Variants in PCDHGA1 observed in about 807,000 individuals in gnomAD.
PCDHGA1 encodes protocadherin gamma-A1.
In PCDHGA1, 32 loss-of-function variants were observed where a neutral mutation model predicts 58.0. The observed-to-expected ratio is 0.55, with a 90% CI of 0.42 to 0.74. The LOEUF (loss-of-function observed/expected upper bound fraction) is 0.74. PCDHGA1 is among the 30% of genes least tolerant of loss of function. PCDHGA1 has a pLI of 0.00. For synonymous variants in PCDHGA1, 498 were observed against 501.1 expected, an observed-to-expected ratio of 0.99 and a Z score of 0.08; for missense variants, 1,205 against 1,182.3, an observed-to-expected ratio of 1.02 and a Z score of -0.28.
chr5:141,379,154 T>A (rs1446393150), intron 1 of PCDHGA1: 4 of 152,232 alleles, frequency 2.6e-5, no homozygotes, highest in Non-Finnish European at 5.9e-5. Context: ...GTAACCTGAC[T>A]TTGTCAGTCT....
chr5:141,509,081 A>C (rs1279221589), intron 3 of PCDHGA1, among the ~76,000 whole-genome samples: 2 of 152,160 alleles, frequency 1.3e-5, no homozygotes, highest in Non-Finnish European at 2.9e-5. Flanking sequence ...GATTTGCGAC[A>C]TGAAATGGGG....
chr5:141,500,350 A>G (rs2099799466), intron 2 of PCDHGA1, among the ~76,000 whole-genome samples: 1 of 151,976 alleles, frequency 6.6e-6, no homozygotes, highest in African/African-American at 2.4e-5. Flanking sequence ...CTGGGACTAC[A>G]GGCGCCCACT....
chr5:141,423,744 A>T, intron 1 of PCDHGA1: 4 of 429,458 alleles, frequency 9.3e-6, no homozygotes, highest in Non-Finnish European at 8.7e-6. Context: ...TGTTATGAAA[A>T]CTGTTTGGGG....
At chr5:141,472,369 G>A (rs1194465676) in intron 1 of PCDHGA1, among the ~76,000 whole-genome samples, 2 of 151,770 alleles carry the variant, frequency 1.3e-5, no homozygotes, top group Admixed American at 6.6e-5. Flanking sequence ...GTGAAACCCC[G>A]TCTCCACTAA....
At chr5:141,445,895 A>C (rs930350527) in intron 1 of PCDHGA1, among the ~76,000 whole-genome samples, 1 of 152,212 alleles carries the variant, frequency 6.6e-6, no homozygotes, top group Admixed American at 6.5e-5. Context: ...GGAGCTATTA[A>C]AATATTTTAA....
intron 1 of PCDHGA1, among the ~76,000 whole-genome samples, chr5:141,460,961 A>G (rs113156768): frequency 0.11 from 16,010 of 144,518 alleles, 1,385 homozygotes; most frequent in African/African-American, 0.24. Context: ...GTATATATAT[A>G]TGTGTGTGTG....
In PCDHGA1 at chr5:141,477,602, C is replaced by G. The variant is rs772296229; in HGVS notation, c.2422-17205C>G. ...GCAGAATGCTCGGCTTTCTTTCTTT[C>G]TCTTGGAGCAAGGAGCTGAAACCGG... On this transcript the variant is annotated intron_variant, in intron 1 of 3. Coordinates refer to ENST00000517417, the MANE Select transcript of PCDHGA1 (RefSeq NM_018912.3). This position sits in a 1 kb window ranked among gnomAD's most constrained non-coding sequence, Gnocchi z 4.9. 6.2e-7 allele frequency: 1 copy of G among 1,614,098 alleles called. No homozygotes were observed. Among genetic ancestry groups the G allele is most frequent in the East Asian group, 2.2e-5 (1 of 44,898 alleles).
chr5:141,359,142 A>C (rs903512422), intron 1 of PCDHGA1, among the ~76,000 whole-genome samples: 1 of 152,224 alleles, frequency 6.6e-6, no homozygotes, highest in Non-Finnish European at 1.5e-5. Flanking sequence ...AGTAAGCTGG[A>C]ATATGATATG....
chr5:141,332,099 T>A lies in PCDHGA1; in HGVS notation c.1415T>A (p.Phe472Tyr). ...AACAACCCCAGAGGAGCCTCCATCT[T>A]CTCTGTGAGGGCCCACGACTTGGAC... ...PENNPRGASI[F>Y]SVRAHDLDSN... is the part of the protein sequence containing the mutation. The change falls in exon 1 of 4, where the codon TTC (phenylalanine) becomes TAC (tyrosine). Residue 472 changes from phenylalanine (F) to tyrosine (Y), a missense_variant. Physicochemically the swap from Phe to Tyr is conservative, Grantham distance 22 (BLOSUM62 3). Coordinates refer to ENST00000517417, the MANE Select transcript of PCDHGA1 (RefSeq NM_018912.3). This position sits in a 1 kb window ranked among gnomAD's most constrained non-coding sequence, Gnocchi z 4.6. 6.2e-7 allele frequency: 1 copy of A among 1,614,100 alleles called. No individual in the cohort carries two copies. The highest frequency in any genetic ancestry group is 8.5e-7 in the Non-Finnish European group (1 of 1,180,018).
At chr5:141,410,515 G>T in intron 1 of PCDHGA1, 1 of 1,613,946 alleles carries the variant, frequency 6.2e-7, no homozygotes, top group South Asian at 1.1e-5. Flanking sequence ...AATGCAGTGT[G>T]CCCCTACATT....
chr5:141,357,757 G>C (rs932647509), intron 1 of PCDHGA1: 1 of 1,061,794 alleles, frequency 9.4e-7, no homozygotes, highest in African/African-American at 1.6e-5. Flanking sequence ...AAAACTGGTG[G>C]ATGACCTTCC....
At chr5:141,370,234 A>G (rs1034949073) in intron 1 of PCDHGA1, 24 of 600,046 alleles carry the variant, frequency 4.0e-5, no homozygotes, top group African/African-American at 3.2e-4. Flanking sequence ...CCAGCTCGGA[A>G]GAAAAGTGCA....
intron 1 of PCDHGA1, among the ~76,000 whole-genome samples, chr5:141,335,081 TTCTC>T (rs1456462073): frequency 2.0e-5 from 3 of 152,232 alleles, no homozygotes; most frequent in Admixed American, 6.5e-5. Flanking sequence ...ATTGAAGACT[TTCTC>T]TCATTCTTGC....
chr5:141,343,286 T>A lies in PCDHGA1; in HGVS notation c.2421+10181T>A, dbSNP rs1196301803. 7 of 967,696 alleles carry A rather than the reference T, an allele frequency of 7.2e-6. No individual in the cohort carries two copies. The South Asian group carries it at 2.9e-4, about 40-fold the overall frequency. The allele number at this position is 967,696 out of a possible 1,614,324, so 59.9% of individuals were successfully genotyped here. On this transcript the variant is annotated intron_variant, in intron 1 of 3. Transcript: ENST00000517417. ...GTCACCAAGAACAAACTTAAAGAAA[T>A]ATAATGTATAAATATGGCTGATTTC... is the stretch of plus-strand genomic sequence containing the variant.
intron 1 of PCDHGA1, chr5:141,415,520 C>T: frequency 6.2e-7 from 1 of 1,614,190 alleles, no homozygotes; most frequent in Non-Finnish European, 8.5e-7. Flanking sequence ...TATGCGGACA[C>T]GCTCATCAGC....
At chr5:141,359,122 C>A (rs1289421811) in intron 1 of PCDHGA1, among the ~76,000 whole-genome samples, 1 of 152,048 alleles carries the variant, frequency 6.6e-6, no homozygotes, top group African/African-American at 2.4e-5. Context: ...AGTTGTGGTG[C>A]AATACATAGA....
chr5:141,432,395 G>C lies in PCDHGA1; in HGVS notation c.2422-62412G>C, dbSNP rs748660079. The C allele has an allele frequency of 1.2e-6, 2 of 1,614,242 alleles. No homozygotes were observed. The highest frequency in any genetic ancestry group is 4.5e-5 in the East Asian group (2 of 44,882). On this transcript the variant is annotated intron_variant, in intron 1 of 3. Coordinates refer to ENST00000517417, the MANE Select transcript of PCDHGA1 (RefSeq NM_018912.3). The surrounding 1 kb of genome is among the most constrained non-coding windows in gnomAD (Gnocchi z 6.0). The stretch of plus-strand genomic sequence containing the variant: ...CGGGCACCCGCCCCTCAGCAGCAAC[G>C]TGTCGTTGAGCCTGTTCGTGCTGGA...
chr5:141,400,507 A>G (rs1158150708), intron 1 of PCDHGA1: 1 of 1,613,864 alleles, frequency 6.2e-7, no homozygotes, highest in Non-Finnish European at 8.5e-7. Context: ...CAGCGAGTCG[A>G]CTTCCCATCC....
At chr5:141,394,395 C>A (rs1238779909) in intron 1 of PCDHGA1, 3 of 1,614,146 alleles carry the variant, frequency 1.9e-6, no homozygotes, top group African/African-American at 1.3e-5. Context: ...GATCCGAGAC[C>A]TGCAGCTACT....
Sources: allele counts gnomAD v4.1 joint callset (sites outside exome capture counted in the v4.1 genomes callset), GRCh38; gene constraint gnomAD v4.1.1; non-coding constraint Gnocchi (gnomAD v3.1); transcripts MANE v1.5; gene names NCBI Gene and HGNC (gene_info 2026-07-23, HGNC 2026-07-21).